NFIA: variants seen among roughly 807,000 people sequenced by gnomAD.
NFIA encodes nuclear factor 1 A-type.
In NFIA, 8 loss-of-function variants were observed where a neutral mutation model predicts 62.8. The observed-to-expected ratio is 0.13, with a 90% CI of 0.07 to 0.23. NFIA has a LOEUF of 0.23. Ranked by LOEUF, NFIA falls within the 10% of genes least tolerant of loss-of-function variation. The pLI is 1.00. For missense variants in NFIA, 410 were observed against 642.1 expected (o/e 0.64, Z 3.91); for synonymous variants, 235 against 238.1 (o/e 0.99, Z 0.12).
intron 3 of NFIA, among the ~76,000 whole-genome samples, chr1:61,305,518 T>C (rs1659720852): frequency 6.6e-6 from 1 of 152,240 alleles, no homozygotes; most frequent in Admixed American, 6.5e-5. Flanking sequence ...GTGGTGGTTT[T>C]GCAGTGTAGA....
At chr1:61,245,741 T>C (rs537992007) in intron 2 of NFIA, among the ~76,000 whole-genome samples, 3 of 152,320 alleles carry the variant, frequency 2.0e-5, no homozygotes, top group Admixed American at 1.3e-4. Context: ...CCTCTCTGTG[T>C]ATCTACTTCA....
At chr1:61,257,628 A>C (rs1449424114) in intron 2 of NFIA, among the ~76,000 whole-genome samples, 1 of 151,768 alleles carries the variant, frequency 6.6e-6, no homozygotes, top group Non-Finnish European at 1.5e-5. Flanking sequence ...GTGAGCCACC[A>C]CACCCAGCTC....
chr1:61,244,231 G>C (rs1031743426), intron 2 of NFIA, among the ~76,000 whole-genome samples: 1 of 152,186 alleles, frequency 6.6e-6, no homozygotes, highest in African/African-American at 2.4e-5. Flanking sequence ...TGACTGCTGC[G>C]ATAATAATTG....
At chr1:61,220,847 G>A (rs1653974269) in intron 2 of NFIA, among the ~76,000 whole-genome samples, 1 of 152,118 alleles carries the variant, frequency 6.6e-6, no homozygotes, top group South Asian at 2.1e-4. Flanking sequence ...TATATTTGAG[G>A]TTTAAAAAGT....
chr1:61,259,059 G>T lies in NFIA; in HGVS notation c.560-18461G>T, dbSNP rs76930900. 7.8e-4 allele frequency among the ~76,000 whole-genome samples: 119 copies of T among 152,282 alleles called. 1 individual carries two copies. The East Asian group carries it at 0.021, about 27-fold the overall frequency. On this transcript the variant is annotated intron_variant, in intron 2 of 10. Transcript: ENST00000403491. ...AAAGACTCTGGTTCCTACAAAATTTGCAAAGAATTGTGAAAACTGTCTATC... is the reference window on the plus strand; with the variant it reads ...AAAGACTCTGGTTCCTACAAAATTTTCAAAGAATTGTGAAAACTGTCTATC...
chr1:61,206,628 T>A (rs1388602932), intron 2 of NFIA, among the ~76,000 whole-genome samples: 1 of 152,230 alleles, frequency 6.6e-6, no homozygotes, highest in Non-Finnish European at 1.5e-5. Context: ...TTTCTGTGCA[T>A]CCTCTGACCA....
At chr1:61,259,017 G>A (rs1339354894) in intron 2 of NFIA, among the ~76,000 whole-genome samples, 1 of 152,126 alleles carries the variant, frequency 6.6e-6, no homozygotes, top group Non-Finnish European at 1.5e-5. Context: ...CACCATGCCT[G>A]GCCAGGAAAT....
chr1:61,444,772 A>G (rs150269963), intron 10 of NFIA, among the ~76,000 whole-genome samples: 1 of 152,326 alleles, frequency 6.6e-6, no homozygotes, highest in East Asian at 1.9e-4. Flanking sequence ...ATATCATTTG[A>G]ACTTACCACC....
chr1:61,089,695 C>CTTTTTTTTTT (rs918196815), intron 2 of NFIA, among the ~76,000 whole-genome samples: 1,122 of 107,592 alleles, frequency 0.01, 32 homozygotes, highest in African/African-American at 0.037. Context: ...GTTTTTTTTT[C>CTTTTTTTTTT]TTTTTTTTTT....
intron 7 of NFIA, among the ~76,000 whole-genome samples, chr1:61,392,559 T>A (rs1665033257): frequency 6.6e-6 from 1 of 151,880 alleles, no homozygotes; most frequent in South Asian, 2.1e-4. Context: ...CAGCTTGGGT[T>A]TGTGTAACGT....
At chr1:61,275,771 A>C (rs1359269644) in intron 2 of NFIA, among the ~76,000 whole-genome samples, 1 of 152,174 alleles carries the variant, frequency 6.6e-6, no homozygotes, top group Non-Finnish European at 1.5e-5. Context: ...AATACATTGA[A>C]TTACTACTCA....
intron 2 of NFIA, among the ~76,000 whole-genome samples, chr1:61,127,760 A>T (rs562546199): frequency 3.3e-5 from 5 of 152,310 alleles, no homozygotes; most frequent in Non-Finnish European, 7.3e-5. Flanking sequence ...TTTAAAAAAA[A>T]AGTATCCTTA....
chr1:61,292,362 C>T (rs1658944433), intron 3 of NFIA, among the ~76,000 whole-genome samples: 1 of 152,112 alleles, frequency 6.6e-6, no homozygotes. Context: ...ATCTTGTGTT[C>T]AGGAGTTTAA....
At chr1:61,333,062 C>CACACAT (rs1291052415) in intron 4 of NFIA, among the ~76,000 whole-genome samples, 6 of 148,500 alleles carry the variant, frequency 4.0e-5, no homozygotes, top group Admixed American at 2.0e-4. Flanking sequence ...CACACACACA[C>CACACAT]ACACATACAC....
chr1:61,089,695 C>CTTTTTTTT (rs918196815), intron 2 of NFIA, among the ~76,000 whole-genome samples: 1,375 of 107,662 alleles, frequency 0.013, 19 homozygotes, highest in Non-Finnish European at 0.019. Context: ...GTTTTTTTTT[C>CTTTTTTTT]TTTTTTTTTT....
At chr1:61,406,108 A>G (rs962944101) in intron 8 of NFIA, among the ~76,000 whole-genome samples, 9 of 152,200 alleles carry the variant, frequency 5.9e-5, no homozygotes, top group African/African-American at 2.2e-4. Flanking sequence ...TATTCTATCT[A>G]TGTAAAGAAA....
At chr1:61,077,665 A>G (rs368708289), upstream of NFIA, 488 of 1,385,698 alleles carry the variant, frequency 3.5e-4, no homozygotes, top group Non-Finnish European at 4.4e-4. Context: ...TTTTGCATTT[A>G]TATGATATGC....
intron 3 of NFIA, among the ~76,000 whole-genome samples, chr1:61,325,040 A>G (rs1377257752): frequency 6.6e-6 from 1 of 152,260 alleles, no homozygotes; most frequent in Non-Finnish European, 1.5e-5. Context: ...GCTCCTGAAC[A>G]GTAGTACAGA....
chr1:61,390,156 C>G (rs182315775), intron 7 of NFIA, among the ~76,000 whole-genome samples: 2 of 152,118 alleles, frequency 1.3e-5, no homozygotes, highest in Non-Finnish European at 1.5e-5. Context: ...TCTGGCACTA[C>G]GCAAGTCCAG....
Sources: allele counts gnomAD v4.1 joint callset (sites outside exome capture counted in the v4.1 genomes callset), GRCh38; gene constraint gnomAD v4.1.1; transcripts MANE v1.5; gene names NCBI Gene and HGNC (gene_info 2026-07-23, HGNC 2026-07-21).